The following NFATC2 variants were observed in gnomAD, a reference collection of about 807,000 sequenced individuals.
The protein encoded by NFATC2 is nuclear factor of activated T cells 2.
NFATC2 carries 22 observed loss-of-function variants against 87.3 expected under a neutral mutation model. The observed-to-expected ratio is 0.25, with a 90% CI of 0.18 to 0.36. NFATC2 has a LOEUF of 0.36. Among genes scored for constraint, NFATC2 ranks in the 10% least tolerant of loss-of-function variants. The probability of loss-of-function intolerance (pLI) is 1.00; values close to 1 mark genes in which losing one functional copy is unlikely to be tolerated. For synonymous variants in NFATC2, 565 were observed against 542.2 expected (o/e 1.04, Z -0.58); for missense variants, 1,149 against 1,259.1 (o/e 0.91, Z 1.32).
At chr20:51,536,951 C>T (rs1297438015) in intron 1 of NFATC2, among the ~76,000 whole-genome samples, 1 of 152,148 alleles carries the variant, frequency 6.6e-6, no homozygotes, top group Middle Eastern at 3.4e-3. Flanking sequence ...CCTCATTTGT[C>T]CCTATTTGTT....
At position 51,454,554 on chromosome 20, in the gene NFATC2, T is replaced by C; in HGVS notation, c.1843A>G (p.Thr615Ala). ...SESKVVFTEK[T>A]TDGQQIWEME... The stretch of plus-strand genomic sequence containing the variant: ...AGCTCAAAAATCCACTGACCTGTGG[T>C]CTTCTCAGTAAACACAACTTTGGAC... The change falls in exon 6 of 11, where the codon ACC becomes GCC. Residue 615 changes from threonine to alanine, a missense_variant. By Grantham distance (58) the Thr-to-Ala change is moderately conservative. This residue lies in a region of NFATC2 where 581 missense variants were observed against 649.7 expected (regional missense o/e 0.89). Transcript: ENST00000371564. 1.2e-6 allele frequency: 2 copies of C among 1,614,014 alleles called. No homozygotes were observed. Among genetic ancestry groups the C allele is most frequent in the Non-Finnish European group, 1.7e-6 (2 of 1,180,000 alleles).
intron 3 of NFATC2, among the ~76,000 whole-genome samples, chr20:51,483,449 C>T (rs1174014929): frequency 2.6e-5 from 4 of 152,066 alleles, no homozygotes; most frequent in Admixed American, 6.6e-5. Context: ...GAAGGCCGAG[C>T]GGGAGGGTAC....
intron 5 of NFATC2, among the ~76,000 whole-genome samples, chr20:51,455,710 TGGTG>T (rs1406394557): frequency 1.1e-4 from 2 of 18,360 alleles, no homozygotes; most frequent in African/African-American, 2.4e-4. Context: ...ACGTACTAGT[TGGTG>T]GGTGGGTGGG....
At chr20:51,551,841 C>G (rs546019219) in intron 1 of NFATC2, among the ~76,000 whole-genome samples, 1 of 151,490 alleles carries the variant, frequency 6.6e-6, no homozygotes, top group Non-Finnish European at 1.5e-5. Context: ...TCCTGGCTAA[C>G]ATGGTGAAAC....
intron 3 of NFATC2, among the ~76,000 whole-genome samples, chr20:51,509,933 C>T (rs1004369160): frequency 1.3e-5 from 2 of 152,224 alleles, no homozygotes; most frequent in Non-Finnish European, 2.9e-5. Flanking sequence ...CCCTGCAAAG[C>T]TCATTACTGT....
At chr20:51,395,027 A>T (rs1251128936) in intron 10 of NFATC2, among the ~76,000 whole-genome samples, 1 of 152,214 alleles carries the variant, frequency 6.6e-6, no homozygotes, top group African/African-American at 2.4e-5. Flanking sequence ...CCATCAGTCT[A>T]GGTCCCTTGG....
At chr20:51,517,732 C>G (rs563831229) in intron 2 of NFATC2, among the ~76,000 whole-genome samples, 45 of 152,138 alleles carry the variant, frequency 3.0e-4, no homozygotes, top group African/African-American at 1.1e-3. Flanking sequence ...GCCTGGCCAA[C>G]ATGGCGAAAC....
chr20:51,446,317 G>T (rs1330397069), intron 6 of NFATC2, among the ~76,000 whole-genome samples: 1 of 152,170 alleles, frequency 6.6e-6, no homozygotes, highest in Non-Finnish European at 1.5e-5. Flanking sequence ...AGGTAGAAGG[G>T]CAGCTGATGT....
Position 51,474,008 on chromosome 20 carries a change from T to C in NFATC2, c.1680A>G (p.Leu560=). The C allele has an allele frequency of 6.2e-7, 1 of 1,614,230 alleles. No individual in the cohort carries two copies. Among genetic ancestry groups the C allele is most frequent in the Non-Finnish European group, 8.5e-7 (1 of 1,180,040 alleles). Residue 560 remains leucine (L), a synonymous_variant, in exon 5 of 11, where the codon TTA becomes TTG. Coordinates refer to ENST00000371564, the MANE Select transcript of NFATC2 (RefSeq NM_012340.5). ...ACTCGATGGGGTTAGATGCAGTCTG[T>C]AAAGAGACGATTCTGCCACTGGACT... ...IPESSGRIVS[L]QTASNPIECS... is the part of the protein sequence containing the mutation.
rs887389786 is a variant in NFATC2 at position 51,397,245 on chromosome 20, G to A, written c.*44+1398C>T. On this transcript the variant is annotated intron_variant, in intron 10 of 10. Transcript: ENST00000371564. Reference sequence around the variant, plus strand: ...TGTTACTTGAAACAGAGCTCTCCCAGACCTCTGCTTTACACTTACTAAGTA... The same window carrying A: ...TGTTACTTGAAACAGAGCTCTCCCAAACCTCTGCTTTACACTTACTAAGTA... Among the ~76,000 whole-genome samples, 16 of 152,304 alleles carry A rather than the reference G, an allele frequency of 1.1e-4. No homozygotes were observed. The South Asian group carries it at 1.5e-3, about 14-fold the overall frequency.
At chr20:51,411,123 G>A (rs1979162127) in intron 9 of NFATC2, among the ~76,000 whole-genome samples, 3 of 152,158 alleles carry the variant, frequency 2.0e-5, no homozygotes, top group African/African-American at 7.2e-5. Flanking sequence ...TGAGGTAAGT[G>A]TTATAATGAT....
upstream of NFATC2, among the ~76,000 whole-genome samples, chr20:51,546,444 C>G (rs552368848): frequency 1.3e-5 from 2 of 152,290 alleles, no homozygotes; most frequent in Admixed American, 1.3e-4. Flanking sequence ...AATGCATGAG[C>G]TTTATGCATC....
At chr20:51,391,951 G>T (rs565324453) in intron 10 of NFATC2, among the ~76,000 whole-genome samples, 3 of 152,252 alleles carry the variant, frequency 2.0e-5, no homozygotes, top group Non-Finnish European at 4.4e-5. Context: ...AGTGAAAATT[G>T]CTCAAATGGT....
chr20:51,538,177 T>A (rs1271083211), intron 1 of NFATC2, among the ~76,000 whole-genome samples: 1 of 152,156 alleles, frequency 6.6e-6, no homozygotes, highest in Non-Finnish European at 1.5e-5. Context: ...TCATGAATAC[T>A]GAAAAATGCT....
chr20:51,431,060 G>A (rs774565280), intron 9 of NFATC2, among the ~76,000 whole-genome samples: 2 of 152,072 alleles, frequency 1.3e-5, no homozygotes, highest in Non-Finnish European at 2.9e-5. Context: ...ATGGATAAAC[G>A]CTTGAGGGGA....
chr20:51,399,136 C>T (rs891641836), intron 9 of NFATC2: 1 of 163,434 alleles, frequency 6.1e-6, no homozygotes. Flanking sequence ...TTCCTTCAGG[C>T]ATCTACAGAT....
At chr20:51,393,958 TGGATGGAAATGGTCC>T (rs1325885220) in intron 10 of NFATC2, among the ~76,000 whole-genome samples, 203 of 151,998 alleles carry the variant, frequency 1.3e-3, no homozygotes, top group African/African-American at 4.8e-3. Flanking sequence ...TCCCTCTTCT[TGGATGGAAATGGTCC>T]TGCTGATGGA....
chr20:51,522,942 CA>C, intron 2 of NFATC2, 138 bp downstream of exon 2: 2 of 1,231,118 alleles, frequency 1.6e-6, no homozygotes, highest in Non-Finnish European at 2.3e-6. Context: ...CAGGGTCTCG[CA>C]ACCAGCAAGG....
intron 3 of NFATC2, among the ~76,000 whole-genome samples, chr20:51,511,035 A>G (rs1479544353): frequency 3.9e-5 from 6 of 152,238 alleles, no homozygotes; most frequent in Non-Finnish European, 8.8e-5. Context: ...AATTTCACAT[A>G]AAAATTCCAA....
Sources: allele counts gnomAD v4.1 joint callset (sites outside exome capture counted in the v4.1 genomes callset), GRCh38; gene constraint gnomAD v4.1.1; regional missense constraint gnomAD v4.1.1; transcripts MANE v1.5; gene names NCBI Gene and HGNC (gene_info 2026-07-23, HGNC 2026-07-21).